The following ANKS1A variants were observed in gnomAD, a reference collection of about 807,000 sequenced individuals.
ANKS1A encodes ankyrin repeat and SAM domain-containing protein 1A.
ANKS1A carries 55 observed loss-of-function variants against 120.3 expected under a neutral mutation model. The observed-to-expected ratio is 0.46, with a 90% CI of 0.37 to 0.57. The LOEUF (loss-of-function observed/expected upper bound fraction) is 0.57, where lower values mean the gene tolerates loss of function less well. ANKS1A is among the 20% of genes least tolerant of loss of function. The pLI, the probability that ANKS1A is intolerant of heterozygous loss-of-function variation, is 0.00. For synonymous variants in ANKS1A, 590 were observed against 604.7 expected, an observed-to-expected ratio of 0.98 and a Z score of 0.36; for missense variants, 1,123 against 1,480.3, an observed-to-expected ratio of 0.76 and a Z score of 3.96.
At chr6:35,032,867 A>G (rs1312930599) in intron 11 of ANKS1A, among the ~76,000 whole-genome samples, 1 of 152,214 alleles carries the variant, frequency 6.6e-6, no homozygotes, top group Non-Finnish European at 1.5e-5. Flanking sequence ...GGAGATGTAT[A>G]CTGAATGTCT....
At chr6:35,087,097 G>C in intron 23 of ANKS1A, 48 bp downstream of exon 23, 1 of 1,549,052 alleles carries the variant, frequency 6.5e-7, no homozygotes, top group Non-Finnish European at 8.9e-7. Flanking sequence ...GTCTCCACTA[G>C]TCTCACTGTG....
At chr6:34,931,788 C>T (rs1435253256) in intron 1 of ANKS1A, among the ~76,000 whole-genome samples, 1 of 152,172 alleles carries the variant, frequency 6.6e-6, no homozygotes, top group Non-Finnish European at 1.5e-5. Context: ...CAGATGAACA[C>T]ATAGGTTGGC....
At chr6:35,079,690 C>T (rs981582961) in intron 15 of ANKS1A, 22 bp downstream of exon 15, 13 of 1,613,874 alleles carry the variant, frequency 8.1e-6, no homozygotes, top group African/African-American at 2.7e-5. Context: ...CTGCGTGGCC[C>T]GGCCTGGACT....
intron 11 of ANKS1A, among the ~76,000 whole-genome samples, chr6:35,033,982 A>G (rs1775033642): frequency 6.6e-6 from 1 of 152,158 alleles, no homozygotes; most frequent in Non-Finnish European, 1.5e-5. Flanking sequence ...TCCACAAAGC[A>G]ACATTTACTC....
chr6:34,899,540 A>T (rs1767247172), intron 1 of ANKS1A, among the ~76,000 whole-genome samples: 2 of 152,272 alleles, frequency 1.3e-5, no homozygotes, highest in Admixed American at 1.3e-4. Flanking sequence ...TAAAGTAGAG[A>T]TGAGGTCTTG....
At chr6:35,070,336 C>G (rs1707719093) in intron 13 of ANKS1A, among the ~76,000 whole-genome samples, 1 of 152,002 alleles carries the variant, frequency 6.6e-6, no homozygotes, top group Non-Finnish European at 1.5e-5. Context: ...CTTTCCAGGT[C>G]TTTTTCCGAT....
At chr6:34,932,470 C>T (rs527501229) in intron 1 of ANKS1A, among the ~76,000 whole-genome samples, 21 of 151,962 alleles carry the variant, frequency 1.4e-4, no homozygotes, top group African/African-American at 3.4e-4. Flanking sequence ...CTGCAATCTC[C>T]GCCTCCCAAG....
intron 1 of ANKS1A, among the ~76,000 whole-genome samples, chr6:34,952,218 A>T (rs546472321): frequency 2.0e-4 from 30 of 152,324 alleles, no homozygotes; most frequent in African/African-American, 7.0e-4. Flanking sequence ...TATCTAATCC[A>T]CTTAAAGTAT....
chr6:35,093,979 C>T (rs1381130939), downstream of ANKS1A, among the ~76,000 whole-genome samples: 2 of 152,194 alleles, frequency 1.3e-5, no homozygotes, highest in Admixed American at 6.5e-5. Flanking sequence ...ATGCTGCTCC[C>T]GCCTTGGGAG....
chr6:34,920,820 C>G (rs986817342), intron 1 of ANKS1A, among the ~76,000 whole-genome samples: 8 of 152,224 alleles, frequency 5.3e-5, no homozygotes, highest in African/African-American at 1.9e-4. Flanking sequence ...ATAATATTTT[C>G]ACTCACCGCC....
At chr6:35,013,427 T>TG (rs1773862718) in intron 10 of ANKS1A, among the ~76,000 whole-genome samples, 1 of 152,134 alleles carries the variant, frequency 6.6e-6, no homozygotes, top group African/African-American at 2.4e-5. Context: ...CCCAAGTAGC[T>TG]GGGACAGCAG....
chr6:34,907,405 A>G (rs911780446), intron 1 of ANKS1A, among the ~76,000 whole-genome samples: 1 of 152,196 alleles, frequency 6.6e-6, no homozygotes, highest in African/African-American at 2.4e-5. Flanking sequence ...CTATAACAAA[A>G]TCCTTGTATA....
intron 1 of ANKS1A, among the ~76,000 whole-genome samples, chr6:34,901,232 T>C (rs1341773287): frequency 6.6e-6 from 1 of 151,872 alleles, no homozygotes; most frequent in Non-Finnish European, 1.5e-5. Flanking sequence ...TTTTTTTTTT[T>C]AAACAATTCG....
chr6:34,925,413 C>T (rs976602427), intron 1 of ANKS1A, among the ~76,000 whole-genome samples: 2 of 152,148 alleles, frequency 1.3e-5, no homozygotes, highest in Admixed American at 6.5e-5. Flanking sequence ...AGCAAATGAG[C>T]ATGTCATTGG....
At chr6:34,908,287 G>C (rs900275202) in intron 1 of ANKS1A, among the ~76,000 whole-genome samples, 1 of 152,176 alleles carries the variant, frequency 6.6e-6, no homozygotes, top group Non-Finnish European at 1.5e-5. Flanking sequence ...ATAGAAGATT[G>C]GTGTGGAGGA....
chr6:34,976,777 C>A (rs201271904), intron 3 of ANKS1A, among the ~76,000 whole-genome samples: 1 of 149,278 alleles, frequency 6.7e-6, no homozygotes, highest in Non-Finnish European at 1.5e-5. Context: ...TGTGTGTGTG[C>A]GTGTGTGTGT....
intron 1 of ANKS1A, among the ~76,000 whole-genome samples, chr6:34,909,035 TAAC>T (rs1439626391): frequency 1.3e-5 from 2 of 152,236 alleles, no homozygotes; most frequent in Non-Finnish European, 2.9e-5. Context: ...ATCATGAAGA[TAAC>T]ATTCCAGTGC....
intron 1 of ANKS1A, among the ~76,000 whole-genome samples, chr6:34,892,655 T>A (rs1766879552): frequency 2.0e-5 from 3 of 152,304 alleles, no homozygotes; most frequent in African/African-American, 7.2e-5. Context: ...ACCCATCCCT[T>A]TTCCTCTACA....
intron 1 of ANKS1A, among the ~76,000 whole-genome samples, chr6:34,901,380 G>A (rs1767342764): frequency 6.6e-6 from 1 of 152,172 alleles, no homozygotes; most frequent in South Asian, 2.1e-4. Context: ...TATGGGATGG[G>A]AAATGTTACT....
Sources: gnomAD v4.1 joint callset for allele counts (sites outside exome capture counted in the v4.1 genomes callset) on GRCh38, gnomAD v4.1.1 for gene constraint, MANE v1.5 for transcripts, NCBI Gene and HGNC (gene_info 2026-07-23, HGNC 2026-07-21) for gene names.